EYA1: variants seen among roughly 807,000 people sequenced by gnomAD.
The protein encoded by EYA1 is EYA transcriptional coactivator and phosphatase 1, also known as protein phosphatase EYA1.
Under a neutral mutation model 82.0 loss-of-function variants are expected in EYA1, and 16 were observed. The ratio of observed to expected loss-of-function variants is 0.20; its 90% CI spans 0.13 to 0.30. The LOEUF is 0.30. Among genes scored for constraint, EYA1 ranks in the 10% least tolerant of loss-of-function variants. EYA1 has a pLI of 1.00. For synonymous variants in EYA1, 261 were observed against 264.4 expected, an observed-to-expected ratio of 0.99 and a Z score of 0.12; for missense variants, 633 against 730.7, an observed-to-expected ratio of 0.87 and a Z score of 1.54.
At chr8:71,541,227 A>G (rs578086018) in intron 1 of EYA1, among the ~76,000 whole-genome samples, 1 of 152,370 alleles carries the variant, frequency 6.6e-6, no homozygotes, top group East Asian at 1.9e-4. Flanking sequence ...TGTTAATGAA[A>G]AACAAGTTGG....
rs577657014 is a variant in EYA1 at position 71,545,719 on chromosome 8, G to A, written c.-73+2145C>T. On this transcript the variant is annotated intron_variant, in intron 1 of 18. Transcript: ENST00000643681. The stretch of plus-strand genomic sequence containing the variant: ...TGGGATTATAGGCGCCCACCACCAC[G>A]CCCAGCTAATTTTTTGTATTTTTAG... Among the ~76,000 whole-genome samples the A allele has an allele frequency of 6.6e-4, 100 of 151,562 alleles. 1 individual carries two copies. The highest frequency in any genetic ancestry group is 1.2e-3 in the Non-Finnish European group (83 of 67,874).
intron 9 of EYA1, among the ~76,000 whole-genome samples, chr8:71,275,611 G>C (rs1437610984): frequency 6.6e-6 from 1 of 152,202 alleles, no homozygotes; most frequent in East Asian, 1.9e-4. Flanking sequence ...CAAAGTCAAT[G>C]TATGGCAGAT....
chr8:71,308,552 A>G (rs1012031105), intron 7 of EYA1, among the ~76,000 whole-genome samples: 1 of 152,130 alleles, frequency 6.6e-6, no homozygotes, highest in East Asian at 1.9e-4. Context: ...AAACAAACCC[A>G]TCCCTCAAAA....
intron 2 of EYA1, among the ~76,000 whole-genome samples, chr8:71,454,787 T>G (rs1371805880): frequency 2.6e-5 from 4 of 152,188 alleles, no homozygotes; most frequent in African/African-American, 9.7e-5. Context: ...GAGGGAAATT[T>G]ACAGCACTAA....
At chr8:71,267,739 G>A (rs1048348090) in intron 11 of EYA1, among the ~76,000 whole-genome samples, 9 of 151,942 alleles carry the variant, frequency 5.9e-5, no homozygotes, top group African/African-American at 1.7e-4. Flanking sequence ...TAGTAGAGAC[G>A]GGGTTTCACT....
intron 2 of EYA1, among the ~76,000 whole-genome samples, chr8:71,441,502 C>T (rs1180621170): frequency 1.3e-5 from 2 of 152,150 alleles, no homozygotes; most frequent in Non-Finnish European, 2.9e-5. Context: ...AGAAATAAAA[C>T]TGAAATACCA....
At chr8:71,487,157 T>C (rs2129220043) in intron 2 of EYA1, among the ~76,000 whole-genome samples, 1 of 152,016 alleles carries the variant, frequency 6.6e-6, no homozygotes, top group South Asian at 2.1e-4. Flanking sequence ...ATTTGGACAA[T>C]GAGACTAAGT....
rs551453069 is a variant in EYA1 at position 71,474,474 on chromosome 8, T to C, written c.33+61270A>G. On this transcript the variant is annotated intron_variant, in intron 2 of 18. Transcript: ENST00000643681. ...TCAGCCATCCCACAACAGCATGTTGTTTTGCAAAAGCTTCTACCTAGAGAA... is the reference window on the plus strand; with the variant it reads ...TCAGCCATCCCACAACAGCATGTTGCTTTGCAAAAGCTTCTACCTAGAGAA... 5.0e-4 allele frequency among the ~76,000 whole-genome samples: 76 copies of C among 152,262 alleles called. 2 individuals carry two copies. The South Asian group carries it at 0.015, about 31-fold the overall frequency.
intron 3 of EYA1, among the ~76,000 whole-genome samples, chr8:71,344,170 T>C (rs1825460192): frequency 2.0e-5 from 3 of 152,150 alleles, no homozygotes; most frequent in African/African-American, 4.8e-5. Flanking sequence ...AATGTACAAA[T>C]CTTAAATGTG....
At position 71,238,919 on chromosome 8, in the gene EYA1, T is replaced by C. The variant is rs28709380; in HGVS notation, c.1140+5684A>G. On this transcript the variant is annotated intron_variant, in intron 12 of 17. Transcript: ENST00000340726. ...TTTTACTGCTAAGTACAATGTTTGCTATCAGTAGAATATAAAGTATTCAGA... is the reference window on the plus strand; with the variant it reads ...TTTTACTGCTAAGTACAATGTTTGCCATCAGTAGAATATAAAGTATTCAGA... Among the ~76,000 whole-genome samples the C allele has an allele frequency of 3.6e-3, 541 of 152,218 alleles. 5 individuals are homozygous for C. Among genetic ancestry groups the C allele is most frequent in the African/African-American group, 0.013 (524 of 41,574 alleles).
At chr8:71,404,406 C>G (rs1586645990) in intron 2 of EYA1, 1 of 152,162 alleles carries the variant, frequency 6.6e-6, no homozygotes, top group African/African-American at 2.4e-5. Flanking sequence ...TATCAGTGGT[C>G]ACCACACTTC....
At chr8:71,492,496 G>C (rs188309417) in intron 2 of EYA1, among the ~76,000 whole-genome samples, 2,352 of 145,774 alleles carry the variant, frequency 0.016, 47 homozygotes, top group African/African-American at 0.057. Flanking sequence ...ACGGAGTCTC[G>C]CTCTGTTGCC....
At chr8:71,356,707 C>T in intron 1 of EYA1, 196 bp from the exon 2 acceptor site, 7 of 1,257,932 alleles carry the variant, frequency 5.6e-6, no homozygotes, top group African/African-American at 1.5e-5. Context: ...CAGGTCTATC[C>T]TCCTCCTCCC....
At chr8:71,224,841 T>C (rs1810369228) in intron 12 of EYA1, among the ~76,000 whole-genome samples, 1 of 152,192 alleles carries the variant, frequency 6.6e-6, no homozygotes, top group Admixed American at 6.5e-5. Flanking sequence ...GAAATAACTC[T>C]CAACTCTCCA....
Position 71,407,054 on chromosome 8 carries a change from G to T in EYA1, c.34-50543C>A, listed in dbSNP as rs1458253630. 3.6e-5 allele frequency among the ~76,000 whole-genome samples: 4 copies of T among 111,102 alleles called. No homozygotes were observed. In the East Asian group the frequency reaches 8.4e-4, roughly 23 times the overall value. 72.9% of individuals were successfully genotyped at this position (111,102 alleles called of 152,430 possible). ...GAACGGGCAGACTGCCTCCTCAAGT[G>T]GGTCCCTGACCCCTGACCCCCGAGC... is the stretch of plus-strand genomic sequence containing the variant. On this transcript the variant is annotated intron_variant, in intron 2 of 18. Transcript: ENST00000643681.
chr8:71,223,454 A>C (rs557602100), intron 12 of EYA1, among the ~76,000 whole-genome samples: 1 of 152,310 alleles, frequency 6.6e-6, no homozygotes, highest in East Asian at 1.9e-4. Context: ...AGCTTCAGTT[A>C]CTGCTGGCCC....
chr8:71,435,345 A>G (rs74680544), intron 2 of EYA1, among the ~76,000 whole-genome samples: 5,553 of 152,218 alleles, frequency 0.036, 336 homozygotes, highest in African/African-American at 0.13. Flanking sequence ...GGCAGAGCTA[A>G]CATATAGTGA....
chr8:71,483,647 A>G (rs2129214883), intron 2 of EYA1, among the ~76,000 whole-genome samples: 1 of 151,458 alleles, frequency 6.6e-6, no homozygotes, highest in African/African-American at 2.4e-5. Flanking sequence ...AATCTGCCTA[A>G]TAGCGTCAAT....
At chr8:71,432,816 G>A (rs1201823550) in intron 2 of EYA1, among the ~76,000 whole-genome samples, 1 of 152,104 alleles carries the variant, frequency 6.6e-6, no homozygotes, top group Non-Finnish European at 1.5e-5. Context: ...TCAAATGAGT[G>A]GAACCAGCAA....
Sources: gnomAD v4.1 joint callset for allele counts (sites outside exome capture counted in the v4.1 genomes callset) on GRCh38, gnomAD v4.1.1 for gene constraint, MANE v1.5 for transcripts, NCBI Gene and HGNC (gene_info 2026-07-23, HGNC 2026-07-21) for gene names.